Variants in SV2C observed in about 807,000 individuals in gnomAD.
The protein encoded by SV2C is synaptic vesicle glycoprotein 2C, also known as solute carrier family 22 member B3.
A neutral mutation model predicts 79.7 loss-of-function variants in SV2C; 49 were observed. The observed-to-expected ratio is 0.61, with a 90% CI of 0.49 to 0.78. SV2C has a LOEUF of 0.78. SV2C is among the 30% of genes least tolerant of loss of function. The pLI is 0.00. For missense variants in SV2C, 833 were observed against 912.9 expected (o/e 0.91, Z 1.13); for synonymous variants, 334 against 333.2 (o/e 1.00, Z -0.03).
At chr5:75,859,316 C>T in the SV2C span, among the ~76,000 whole-genome samples, 1 of 152,146 alleles carries the variant, frequency 6.6e-6, no homozygotes, top group Non-Finnish European at 1.5e-5. Flanking sequence ...TGTCTCTTGC[C>T]TCTTCACATA....
intron 1 of SV2C, among the ~76,000 whole-genome samples, chr5:76,088,799 T>A (rs141285266): frequency 2.1e-3 from 316 of 151,872 alleles, no homozygotes; most frequent in Non-Finnish European, 3.2e-3. Context: ...TCCTTTTTTT[T>A]AAAAAAAAAT....
the SV2C span, among the ~76,000 whole-genome samples, chr5:75,878,173 A>T: frequency 6.6e-6 from 1 of 152,182 alleles, no homozygotes; most frequent in African/African-American, 2.4e-5. Flanking sequence ...TGGGTAGGAA[A>T]GGAAGTTGAA....
chr5:75,884,843 T>A, the SV2C span, among the ~76,000 whole-genome samples: 2 of 152,006 alleles, frequency 1.3e-5, no homozygotes. Flanking sequence ...GAAAAAACCA[T>A]ATTGTACAGA....
At chr5:75,965,776 A>G in the SV2C span, among the ~76,000 whole-genome samples, 5 of 152,240 alleles carry the variant, frequency 3.3e-5, no homozygotes, top group South Asian at 1.0e-3. Flanking sequence ...GTTGCTAGGG[A>G]TACAGGAAGA....
At position 76,325,779 on chromosome 5, in the gene SV2C, A is replaced by G. The variant is rs1027100398; in HGVS notation, c.*232A>G. 2.0e-6 allele frequency: 1 copy of G among 505,930 alleles called. No individual in the cohort carries two copies. Among genetic ancestry groups the G allele is most frequent in the African/African-American group, 2.0e-5 (1 of 51,044 alleles). 31.3% of individuals were successfully genotyped at this position (505,930 alleles called of 1,614,324 possible). A position where few individuals can be genotyped will look rare whatever the true frequency, so the allele number is the denominator to read the frequency against. On this transcript the variant is annotated 3_prime_UTR_variant, in exon 13 of 13. Coordinates refer to ENST00000502798, the MANE Select transcript of SV2C (RefSeq NM_014979.4). ...TGCATTGTTATCTTTCCAAACTGTG[A>G]TGCTACTGCCTCCCGCAAATCAGTG...
the SV2C span, among the ~76,000 whole-genome samples, chr5:75,896,341 A>T: frequency 6.6e-6 from 1 of 151,298 alleles, no homozygotes; most frequent in Non-Finnish European, 1.5e-5. Flanking sequence ...GCGATAGTTT[A>T]CTGAGAATGC....
chr5:76,096,713 G>A (rs1747575524), intron 1 of SV2C, among the ~76,000 whole-genome samples: 1 of 152,128 alleles, frequency 6.6e-6, no homozygotes, highest in African/African-American at 2.4e-5. Context: ...TTGTCTGTGA[G>A]GGTATTTCTA....
At chr5:76,284,505 A>C (rs1485468996) in intron 4 of SV2C, among the ~76,000 whole-genome samples, 3 of 152,248 alleles carry the variant, frequency 2.0e-5, no homozygotes, top group Middle Eastern at 3.4e-3. Context: ...ATTCAGAGAA[A>C]GCAATAAGGA....
the SV2C span, among the ~76,000 whole-genome samples, chr5:76,049,253 C>T: frequency 3.4e-5 from 5 of 147,802 alleles, no homozygotes; most frequent in African/African-American, 7.5e-5. Context: ...AGGAGAATGG[C>T]GTGAACCCGG....
At chr5:76,176,223 G>A (rs1743524551) in intron 2 of SV2C, among the ~76,000 whole-genome samples, 1 of 152,184 alleles carries the variant, frequency 6.6e-6, no homozygotes, top group Admixed American at 6.5e-5. Flanking sequence ...GGGAAAATAG[G>A]AAGTGGCCTG....
chr5:76,325,976 C>CT lies in SV2C; in HGVS notation c.*444dup, dbSNP rs34500881. The stretch of plus-strand genomic sequence containing the variant: ...TGCATTTGTGCTGAGAAGAGGGATT[C>CT]TTTTTTTTTTTTTTTCTAACAGAGT... On this transcript the variant is annotated 3_prime_UTR_variant, in exon 13 of 13. Transcript: ENST00000502798. 0.1 allele frequency: 14,324 copies of CT among 143,340 alleles called. 716 individuals carry two copies. Among genetic ancestry groups the CT allele is most frequent in the Admixed American group, 0.15 (2,115 of 14,262 alleles). 8.9% of individuals were successfully genotyped at this position (143,340 alleles called of 1,614,324 possible).
chr5:76,181,787 C>T (rs1348509190), intron 2 of SV2C, among the ~76,000 whole-genome samples: 1 of 152,218 alleles, frequency 6.6e-6, no homozygotes. Flanking sequence ...TGGGGACAAA[C>T]AGCCAAACAA....
chr5:76,001,176 A>G, the SV2C span, among the ~76,000 whole-genome samples: 4 of 152,208 alleles, frequency 2.6e-5, no homozygotes, highest in Admixed American at 6.5e-5. Context: ...TGCTGGGGCC[A>G]TAAGAAGGCC....
chr5:76,271,597 A>T (rs1354621164), intron 4 of SV2C, among the ~76,000 whole-genome samples: 2 of 151,862 alleles, frequency 1.3e-5, no homozygotes, highest in African/African-American at 4.8e-5. Context: ...TATTTCAAAA[A>T]AACTACTAAG....
chr5:76,148,258 G>T (rs557292143), intron 2 of SV2C, among the ~76,000 whole-genome samples: 1 of 152,228 alleles, frequency 6.6e-6, no homozygotes, highest in South Asian at 2.1e-4. Flanking sequence ...CAGGGCCAGT[G>T]CTCAACTGTG....
intron 4 of SV2C, among the ~76,000 whole-genome samples, chr5:76,219,023 C>T (rs982655480): frequency 4.6e-5 from 7 of 152,196 alleles, no homozygotes; most frequent in Admixed American, 3.9e-4. Context: ...AGGAACAGAA[C>T]TTGTAAGGCA....
chr5:75,940,835 C>A, the SV2C span, among the ~76,000 whole-genome samples: 1 of 152,106 alleles, frequency 6.6e-6, no homozygotes, highest in African/African-American at 2.4e-5. Context: ...AAGTAGATAA[C>A]CCTTAGGTCA....
chr5:76,253,085 T>C (rs1274285820), intron 4 of SV2C, among the ~76,000 whole-genome samples: 3 of 152,236 alleles, frequency 2.0e-5, no homozygotes, highest in Non-Finnish European at 4.4e-5. Flanking sequence ...CACAGGACTC[T>C]TACCTTTTAA....
At chr5:75,908,434 A>T in the SV2C span, among the ~76,000 whole-genome samples, 1 of 152,146 alleles carries the variant, frequency 6.6e-6, no homozygotes, top group South Asian at 2.1e-4. Flanking sequence ...CATTATAGAG[A>T]TGTGCCAAAT....
Sources: allele counts gnomAD v4.1 joint callset (sites outside exome capture counted in the v4.1 genomes callset), GRCh38; gene constraint gnomAD v4.1.1; transcripts MANE v1.5; gene names NCBI Gene and HGNC (gene_info 2026-07-23, HGNC 2026-07-21).